Variants in RNF213 observed in about 807,000 individuals in gnomAD.
The protein encoded by RNF213 is ring finger protein 213, also known as E3 ubiquitin-protein ligase RNF213.
A neutral mutation model predicts 514.4 loss-of-function variants in RNF213; 341 were observed. The observed-to-expected ratio is 0.66, with a 90% CI of 0.61 to 0.73. The LOEUF (loss-of-function observed/expected upper bound fraction) is 0.73. RNF213 is among the 30% of genes least tolerant of loss of function. RNF213 has a pLI of 0.00. For synonymous variants in RNF213, 2,655 were observed against 2,658.2 expected, an observed-to-expected ratio of 1.00 and a Z score of 0.04; for missense variants, 5,767 against 6,615.6, an observed-to-expected ratio of 0.87 and a Z score of 4.45.
In RNF213 at chr17:80,345,926, T is replaced by C; in HGVS notation, c.7591T>C (p.Ser2531Pro). 6.2e-7 allele frequency: 1 copy of C among 1,614,192 alleles called. No individual in the cohort carries two copies. The highest frequency in any genetic ancestry group is 8.5e-7 in the Non-Finnish European group (1 of 1,180,040). ...IAACNPYRKH[S>P]EEMICRLESA... ...TGCCTGCAATCCATACCGGAAGCAC[T>C]CTGAGGAGATGATCTGCCGTTTGGA... is the stretch of plus-strand genomic sequence containing the variant. The change falls in exon 29 of 68, where the codon TCT becomes CCT. Residue 2531 changes from serine to proline, a missense_variant. Ser to Pro is a moderately conservative substitution (Grantham distance 74, BLOSUM62 -1). Around this residue, in one of 13 missense-constraint regions of RNF213, gnomAD observed 1,377 missense variants for 1,635.2 expected, o/e 0.84. Transcript: ENST00000582970. This position sits in a 1 kb window ranked among gnomAD's most constrained non-coding sequence, Gnocchi z 6.0.
At chr17:80,363,945 A>C (rs573504759) in intron 41 of RNF213, among the ~76,000 whole-genome samples, 155 bp downstream of exon 41, 1 of 152,316 alleles carries the variant, frequency 6.6e-6, no homozygotes, top group African/African-American at 2.4e-5. Context: ...CCGAACCCTT[A>C]GTGAGTGCCA....
In RNF213 at chr17:80,398,729, GAGAC is replaced by G. The variant is rs960341300; in HGVS notation, c.*5235_*5238del. 2 of 151,122 alleles carry G rather than the reference GAGAC, an allele frequency of 1.3e-5. No homozygotes were observed. The highest frequency in any genetic ancestry group is 4.9e-5 in the African/African-American group (2 of 41,026). The allele number at this position is 151,122 out of a possible 1,614,324, so 9.4% of individuals were successfully genotyped here. ...AGGGAGTCAGAGAGAGAGAGAGAAA[GAGAC>G]AGAGGCAAAAGGAAAGTCAAAGAGA... On this transcript the variant is annotated 3_prime_UTR_variant, in exon 68 of 68. Coordinates refer to ENST00000582970, the MANE Select transcript of RNF213 (RefSeq NM_001256071.3).
At position 80,379,293 on chromosome 17, in the gene RNF213, G is replaced by C. The variant is rs138803237; in HGVS notation, c.13546-327G>C. Among the ~76,000 whole-genome samples, 8 of 152,336 alleles carry C rather than the reference G, an allele frequency of 5.3e-5. No individual in the cohort carries two copies. The East Asian group carries it at 1.5e-3, about 29-fold the overall frequency. ...TTAGATCATGAAGTGCCACAGGCTA[G>C]TGTGATAGATGGAGGGATGGAAAAA... On this transcript the variant is annotated intron_variant, in intron 54 of 67. Coordinates refer to ENST00000582970, the MANE Select transcript of RNF213 (RefSeq NM_001256071.3).
At chr17:80,364,597 T>C in intron 42 of RNF213, 44 bp downstream of exon 42, 2 of 1,613,422 alleles carry the variant, frequency 1.2e-6, no homozygotes, top group South Asian at 1.1e-5. Flanking sequence ...GATCCACCCT[T>C]TTCCGAAAGG....
chr17:80,388,075 T>G (rs910460830), intron 63 of RNF213, among the ~76,000 whole-genome samples: 9 of 151,630 alleles, frequency 5.9e-5, no homozygotes, highest in Non-Finnish European at 1.0e-4. Context: ...GCCATTCTCC[T>G]GCCGCAGCCT....
chr17:80,307,341 A>G, intron 13 of RNF213, 140 bp downstream of exon 13: 1 of 624,326 alleles, frequency 1.6e-6, no homozygotes, highest in Admixed American at 2.7e-5. Flanking sequence ...TTCTCTTCTC[A>G]GGTTATTAAT....
At chr17:80,272,453 C>A (rs1358057803) in intron 2 of RNF213, among the ~76,000 whole-genome samples, 1 of 152,162 alleles carries the variant, frequency 6.6e-6, no homozygotes, top group Non-Finnish European at 1.5e-5. Context: ...AAAGACTAAG[C>A]CTGATGGGAC....
intron 14 of RNF213, among the ~76,000 whole-genome samples, chr17:80,309,652 C>T (rs891045009): frequency 3.3e-5 from 5 of 152,200 alleles, no homozygotes; most frequent in East Asian, 1.9e-4. Context: ...ATCTGCCCCC[C>T]GCTGCATGTC....
In RNF213 at chr17:80,363,562, G is replaced by A. The variant is rs567382194; in HGVS notation, c.11569-47G>A. On this transcript the variant is annotated intron_variant, in intron 40 of 67. Transcript: ENST00000582970. The stretch of plus-strand genomic sequence containing the variant: ...TAACAGCCGGGGCCTCTGGTGGGCC[G>A]GTGGGAGGGGCACCGCTCAGCCACG... 2.9e-5 allele frequency: 46 copies of A among 1,603,874 alleles called. No individual in the cohort carries two copies. The Admixed American group carries it at 4.5e-4, about 16-fold the overall frequency.
intron 2 of RNF213, among the ~76,000 whole-genome samples, chr17:80,272,855 C>T (rs144523910): frequency 1.3e-5 from 2 of 152,196 alleles, no homozygotes; most frequent in East Asian, 1.9e-4. Flanking sequence ...GGGAGAATGC[C>T]CACCCTGGGG....
At chr17:80,289,509 G>A (rs2143258666) in intron 5 of RNF213, 150 bp from the exon 6 acceptor site, 1 of 806,792 alleles carries the variant, frequency 1.2e-6, no homozygotes, top group African/African-American at 1.8e-5. Flanking sequence ...AGAATTGCTT[G>A]AGCCTGGGAG....
chr17:80,373,215 T>A, intron 49 of RNF213, 50 bp downstream of exon 49: 1 of 1,525,796 alleles, frequency 6.6e-7, no homozygotes, highest in East Asian at 2.3e-5. Context: ...CACAGCCCCA[T>A]ACACCCCAAA....
chr17:80,296,493 A>G (rs2044954473), intron 10 of RNF213, among the ~76,000 whole-genome samples: 1 of 152,184 alleles, frequency 6.6e-6, no homozygotes, highest in Non-Finnish European at 1.5e-5. Flanking sequence ...TTCAGGAAAC[A>G]CAGTGTGACT....
rs1343982230 is a variant in RNF213, at chr17:80,348,139, C to T, written c.9804C>T (p.Val3268=). The T allele has an allele frequency of 3.1e-6, 5 of 1,613,962 alleles. No homozygotes were observed. The South Asian group carries it at 3.3e-5, about 11-fold the overall frequency. ...ACTGCGCTACGCCCGATGCCGTGGT[C>T]CGGCTGAGCGCCTACTCGCTGGGCG... The part of the protein sequence containing the change: ...LLNCATPDAV[V]RLSAYSLGGF... The change falls in exon 29 of 68, where the codon GTC becomes GTT. Residue 3268 remains valine, a synonymous_variant. Transcript: ENST00000582970.
intron 2 of RNF213, among the ~76,000 whole-genome samples, chr17:80,270,327 C>CGGA (rs2043777759): frequency 6.6e-6 from 1 of 152,242 alleles, no homozygotes; most frequent in Non-Finnish European, 1.5e-5. Flanking sequence ...CATGCTTGCA[C>CGGA]GGAGACCTTG....
At chr17:80,378,531 C>T (rs1385106305) in intron 54 of RNF213, among the ~76,000 whole-genome samples, 2 of 152,184 alleles carry the variant, frequency 1.3e-5, no homozygotes, top group Admixed American at 6.5e-5. Flanking sequence ...TCATAGCTCA[C>T]TATAAACATT....
intron 38 of RNF213, 69 bp from the exon 39 acceptor site, chr17:80,361,664 GC>G: frequency 1.3e-6 from 2 of 1,562,530 alleles, no homozygotes; most frequent in Non-Finnish European, 8.8e-7. Flanking sequence ...TCACTCCGGA[GC>G]CCCCTGGAGG....
At chr17:80,336,826 G>A (rs114546296) in intron 23 of RNF213, 4,278 of 318,448 alleles carry the variant, frequency 0.013, 178 homozygotes, top group African/African-American at 0.086. Flanking sequence ...GCTTGAACCC[G>A]GGAGGCAGAG....
Position 80,375,801 on chromosome 17 carries a change from G to C in RNF213, c.13116G>C (p.Leu4372=), listed in dbSNP as rs762937384. 3 of 1,614,032 alleles carry C rather than the reference G, an allele frequency of 1.9e-6. No individual in the cohort carries two copies. The highest frequency in any genetic ancestry group is 1.1e-5 in the South Asian group (1 of 91,088). The change falls in exon 51 of 68, where the codon CTG becomes CTC. Residue 4372 remains leucine (L), a synonymous_variant. Transcript: ENST00000582970. Reference sequence around the variant, plus strand: ...AAAGCCAGCAGTCAGCCTACTTCCTGTTAACACTGTTTAGAGAGGTGGCTA... The same window carrying C: ...AAAGCCAGCAGTCAGCCTACTTCCTCTTAACACTGTTTAGAGAGGTGGCTA... ...TPQSQQSAYF[L]LTLFREVAIL...
Sources: gnomAD v4.1 joint callset for allele counts (sites outside exome capture counted in the v4.1 genomes callset) on GRCh38, gnomAD v4.1.1 for gene constraint, gnomAD v4.1.1 regional missense constraint, Gnocchi (gnomAD v3.1) non-coding constraint, MANE v1.5 for transcripts, NCBI Gene and HGNC (gene_info 2026-07-23, HGNC 2026-07-21) for gene names.